The following PCDHA3 variants were observed in gnomAD, a reference collection of about 807,000 sequenced individuals.
The protein encoded by PCDHA3 is protocadherin alpha 3.
A neutral mutation model predicts 62.2 loss-of-function variants in PCDHA3; 41 were observed. That is an observed-to-expected ratio of 0.66 (90% CI 0.51 to 0.86). PCDHA3 has a LOEUF of 0.86. Ranked by LOEUF, PCDHA3 falls within the 40% of genes least tolerant of loss-of-function variation. The pLI is 0.00. For synonymous variants in PCDHA3, 640 were observed against 555.4 expected, an observed-to-expected ratio of 1.15 and a Z score of -2.14; for missense variants, 1,304 against 1,241.2, an observed-to-expected ratio of 1.05 and a Z score of -0.76.
intron 3 of PCDHA3, among the ~76,000 whole-genome samples, chr5:140,999,423 C>G (rs1159862736): frequency 6.6e-6 from 1 of 152,100 alleles, no homozygotes; most frequent in Non-Finnish European, 1.5e-5. Context: ...AGCTAAGAGG[C>G]CAAGTACCTT....
At position 140,876,236 on chromosome 5, in the gene PCDHA3, T is replaced by A. The variant is rs782328225; in HGVS notation, c.2394+72645T>A. ...TATAAAGTAGTGTTGTCTGAAAATG[T>A]CCAAAACGACACAAGAGTGATCCAA... On this transcript the variant is annotated intron_variant, in intron 1 of 3. Coordinates refer to ENST00000522353, the MANE Select transcript of PCDHA3 (RefSeq NM_018906.3). The A allele has an allele frequency of 6.2e-7, 1 of 1,613,856 alleles. No homozygotes were observed. Among genetic ancestry groups the A allele is most frequent in the African/African-American group, 1.3e-5 (1 of 74,914 alleles).
intron 1 of PCDHA3, among the ~76,000 whole-genome samples, chr5:140,832,325 A>G (rs1771927305): frequency 6.6e-6 from 1 of 152,220 alleles, no homozygotes; most frequent in African/African-American, 2.4e-5. Context: ...AAGGGCCATT[A>G]GAGGACTGAG....
chr5:140,948,468 CT>C (rs1173060430), intron 1 of PCDHA3, among the ~76,000 whole-genome samples: 1 of 151,468 alleles, frequency 6.6e-6, no homozygotes, highest in African/African-American at 2.4e-5. Flanking sequence ...GGGAAAGTTT[CT>C]GATAATAAAT....
intron 3 of PCDHA3, among the ~76,000 whole-genome samples, chr5:141,007,904 T>C (rs1397513381): frequency 6.6e-6 from 1 of 152,278 alleles, no homozygotes; most frequent in African/African-American, 2.4e-5. Flanking sequence ...TTGTTCTTTG[T>C]TGAAGATGCT....
intron 1 of PCDHA3, chr5:140,862,835 G>T (rs781856164): frequency 3.5e-6 from 2 of 575,630 alleles, no homozygotes; most frequent in African/African-American, 1.9e-5. Flanking sequence ...CGCGACGCGG[G>T]CATGCCGCCT....
chr5:140,809,702 TAA>T, intron 1 of PCDHA3: 2 of 1,127,900 alleles, frequency 1.8e-6, no homozygotes, highest in Non-Finnish European at 2.5e-6. Flanking sequence ...CCATTTTAAC[TAA>T]AGTCTTTTGG....
intron 1 of PCDHA3, among the ~76,000 whole-genome samples, chr5:140,846,903 G>A (rs941589214): frequency 2.7e-5 from 4 of 149,652 alleles, no homozygotes; most frequent in Non-Finnish European, 6.0e-5. Flanking sequence ...GAAGTTGAAA[G>A]ACAATCATTT....
chr5:140,911,485 A>G (rs1387982810), intron 1 of PCDHA3, among the ~76,000 whole-genome samples: 1 of 152,152 alleles, frequency 6.6e-6, no homozygotes, highest in East Asian at 1.9e-4. Context: ...ACTCAGGGCA[A>G]TCTTAGCAGG....
At chr5:140,829,947 G>T in intron 1 of PCDHA3, 3 of 1,613,996 alleles carry the variant, frequency 1.9e-6, no homozygotes, top group South Asian at 1.1e-5. Flanking sequence ...AGCAGCGCTC[G>T]CTTCCCGTTT....
chr5:140,803,759 T>G (rs1037330523), intron 1 of PCDHA3, 168 bp downstream of exon 1: 1 of 1,198,196 alleles, frequency 8.3e-7, no homozygotes, highest in Admixed American at 2.7e-5. Context: ...TTGTTGCTAA[T>G]TTTTGAACCA....
intron 1 of PCDHA3, among the ~76,000 whole-genome samples, chr5:140,910,284 A>G (rs2153514340): frequency 6.6e-6 from 1 of 152,292 alleles, no homozygotes; most frequent in East Asian, 1.9e-4. Context: ...GAACACCATG[A>G]TTAATCAACA....
At chr5:140,904,236 T>G (rs1326424532) in intron 1 of PCDHA3, among the ~76,000 whole-genome samples, 2 of 151,966 alleles carry the variant, frequency 1.3e-5, no homozygotes, top group Non-Finnish European at 2.9e-5. Flanking sequence ...ACTTATGCCT[T>G]TGCATCCTCA....
chr5:140,968,184 C>T, intron 1 of PCDHA3: 1 of 1,614,050 alleles, frequency 6.2e-7, no homozygotes, highest in Non-Finnish European at 8.5e-7. Flanking sequence ...CTGGAGGACT[C>T]CTATTCCATC....
intron 1 of PCDHA3, among the ~76,000 whole-genome samples, chr5:140,904,464 T>G (rs2071152048): frequency 1.3e-5 from 2 of 151,802 alleles, no homozygotes; most frequent in South Asian, 4.1e-4. Context: ...CACTTGTTGA[T>G]TGGTGGCTAT....
chr5:140,883,905 G>A (rs781818160), intron 1 of PCDHA3: 2 of 1,613,458 alleles, frequency 1.2e-6, no homozygotes, highest in Non-Finnish European at 1.7e-6. Flanking sequence ...CCGCCTCTGG[G>A]CAGCAACGTG....
intron 1 of PCDHA3, among the ~76,000 whole-genome samples, chr5:140,887,519 T>C (rs1460911624): frequency 1.3e-5 from 2 of 152,190 alleles, no homozygotes; most frequent in East Asian, 3.8e-4. Flanking sequence ...CTTTTTTATA[T>C]ATGAGTCTTC....
At chr5:140,955,469 T>C (rs1324804121) in intron 1 of PCDHA3, among the ~76,000 whole-genome samples, 11 of 152,208 alleles carry the variant, frequency 7.2e-5, no homozygotes, top group Middle Eastern at 3.4e-3. Flanking sequence ...CCTTTTTGCT[T>C]GGCACCTCTC....
intron 1 of PCDHA3, among the ~76,000 whole-genome samples, chr5:140,941,214 C>CCTTCTTTCTTTCTTT (rs1554214040): frequency 8.2e-6 from 1 of 122,414 alleles, no homozygotes; most frequent in Non-Finnish European, 1.7e-5. Context: ...TTTCTTTCTT[C>CCTTCTTTCTTTCTTT]CTTTCTTTCT....
intron 1 of PCDHA3, chr5:140,853,856 G>T: frequency 1.0e-6 from 1 of 985,598 alleles, no homozygotes; most frequent in South Asian, 4.7e-5. Context: ...AGCCCTATTT[G>T]ATACTTGACA....
Sources: gnomAD v4.1 joint callset for allele counts (sites outside exome capture counted in the v4.1 genomes callset) on GRCh38, gnomAD v4.1.1 for gene constraint, MANE v1.5 for transcripts, NCBI Gene and HGNC (gene_info 2026-07-23, HGNC 2026-07-21) for gene names.